The following PRLR variants were observed in gnomAD, a reference collection of about 807,000 sequenced individuals.
PRLR encodes hPRL receptor.
In PRLR, 13 loss-of-function variants were observed where a neutral mutation model predicts 40.2. That is an observed-to-expected ratio of 0.32 (90% confidence interval 0.21 to 0.51). PRLR has a LOEUF of 0.51. Ranked by LOEUF, PRLR falls within the 20% of genes least tolerant of loss-of-function variation. The pLI, the probability that PRLR is intolerant of heterozygous loss-of-function variation, is 0.97. For missense variants in PRLR, 656 were observed against 747.3 expected, an observed-to-expected ratio of 0.88 and a Z score of 1.42; for synonymous variants, 269 against 278.7, an observed-to-expected ratio of 0.97 and a Z score of 0.35.
At chr5:35,110,239 A>T (rs1772571528) in intron 2 of PRLR, among the ~76,000 whole-genome samples, 1 of 152,160 alleles carries the variant, frequency 6.6e-6, no homozygotes, top group Non-Finnish European at 1.5e-5. Context: ...AGGGGGTGAT[A>T]GCATTAGGAG....
chr5:35,059,251 G>C lies in PRLR; in HGVS notation c.*5838C>G, dbSNP rs979188961. On this transcript the variant is annotated 3_prime_UTR_variant, in exon 10 of 10. Coordinates refer to ENST00000618457, the MANE Select transcript of PRLR (RefSeq NM_000949.7). ...TAATTAATAGTCTAAGATGATCTGA[G>C]AGTTAATTAATAGACTAAGATTATC... The C allele has an allele frequency of 1.3e-5, 2 of 152,044 alleles. No individual in the cohort carries two copies. Among genetic ancestry groups the C allele is most frequent in the Admixed American group, 1.3e-4 (2 of 15,256 alleles). 9.4% of individuals were successfully genotyped at this position (152,044 alleles called of 1,614,324 possible).
chr5:35,150,364 G>A (rs536351703), intron 1 of PRLR, among the ~76,000 whole-genome samples: 6 of 152,060 alleles, frequency 3.9e-5, no homozygotes, highest in Non-Finnish European at 7.4e-5. Flanking sequence ...TTTTTGTTGC[G>A]GTCATTGTTG....
intron 7 of PRLR, 111 bp downstream of exon 7, chr5:35,070,012 CT>C: frequency 8.0e-7 from 1 of 1,250,622 alleles, no homozygotes; most frequent in Non-Finnish European, 1.1e-6. Context: ...AAACCCACCT[CT>C]ATTGTTCTGG....
intron 1 of PRLR, among the ~76,000 whole-genome samples, chr5:35,198,638 A>C (rs1397902438): frequency 6.6e-6 from 1 of 152,234 alleles, no homozygotes; most frequent in African/African-American, 2.4e-5. Context: ...GTTAAGTAGG[A>C]GATACCAATC....
Position 35,184,288 on chromosome 5 carries a change from A to T in PRLR, c.-106+45980T>A, listed in dbSNP as rs138520143. On this transcript the variant is annotated intron_variant, in intron 1 of 9. Transcript: ENST00000618457. ...TAGCACTCTGGGAGGCTGAGGTGGG[A>T]GGATTGCCTGAGCTCAGGAGTTTGA... 2.3e-3 allele frequency among the ~76,000 whole-genome samples: 355 copies of T among 152,162 alleles called. 1 individual carries two copies. Among genetic ancestry groups the T allele is most frequent in the African/African-American group, 8.2e-3 (340 of 41,552 alleles).
At chr5:35,075,737 T>G (rs2112418031) in intron 5 of PRLR, among the ~76,000 whole-genome samples, 1 of 152,302 alleles carries the variant, frequency 6.6e-6, no homozygotes, top group South Asian at 2.1e-4. Context: ...ACAGACTGCC[T>G]CCTCAAGTGG....
intron 5 of PRLR, among the ~76,000 whole-genome samples, chr5:35,079,032 A>G (rs1770318185): frequency 6.6e-6 from 1 of 152,200 alleles, no homozygotes; most frequent in Non-Finnish European, 1.5e-5. Context: ...AACTCTCAAT[A>G]AACTAGGTAT....
At chr5:35,226,002 G>A (rs1776538771) in intron 1 of PRLR, among the ~76,000 whole-genome samples, 1 of 152,120 alleles carries the variant, frequency 6.6e-6, no homozygotes, top group Admixed American at 6.5e-5. Context: ...ACTTTTTGGG[G>A]GGAATACTAG....
intron 2 of PRLR, among the ~76,000 whole-genome samples, chr5:35,092,489 T>C (rs1458398671): frequency 6.6e-6 from 1 of 152,218 alleles, no homozygotes; most frequent in Non-Finnish European, 1.5e-5. Context: ...GGCACATCTC[T>C]TGTTTATCCA....
At chr5:35,067,952 T>A (rs924644575) in intron 9 of PRLR, among the ~76,000 whole-genome samples, 2 of 152,248 alleles carry the variant, frequency 1.3e-5, no homozygotes, top group African/African-American at 2.4e-5. Flanking sequence ...ATCTCTATGC[T>A]TATGAGTAGA....
intron 1 of PRLR, chr5:35,195,549 A>T (rs893301308): frequency 6.6e-6 from 1 of 152,192 alleles, no homozygotes; most frequent in Non-Finnish European, 1.5e-5. Flanking sequence ...TGAGTATCTC[A>T]CCTGTCGCCT....
chr5:35,072,828 T>C, intron 5 of PRLR, 84 bp from the exon 6 acceptor site: 1 of 1,491,682 alleles, frequency 6.7e-7, no homozygotes, highest in East Asian at 2.3e-5. Flanking sequence ...GAATTCCTTT[T>C]TCTGTTTATC....
chr5:35,063,085 A>C lies in PRLR; in HGVS notation c.*2004T>G, dbSNP rs1479485743. On this transcript the variant is annotated 3_prime_UTR_variant, in exon 10 of 10. Transcript: ENST00000618457. The stretch of plus-strand genomic sequence containing the variant: ...GATTCTGCAAATGGAATTTTCAAAC[A>C]CTGCCCAGGTGATGCCTATGCAGTT... 6.6e-6 allele frequency: 1 copy of C among 152,240 alleles called. No homozygotes were observed. The highest frequency in any genetic ancestry group is 2.4e-5 in the African/African-American group (1 of 41,462). The allele number at this position is 152,240 out of a possible 1,614,324, so 9.4% of individuals were successfully genotyped here.
intron 2 of PRLR, among the ~76,000 whole-genome samples, chr5:35,103,204 C>T (rs1398980476): frequency 6.6e-6 from 1 of 152,156 alleles, no homozygotes; most frequent in Non-Finnish European, 1.5e-5. Flanking sequence ...AATAGTGATG[C>T]ATTTCTGTGT....
At chr5:35,141,356 C>A (rs1217227985) in intron 1 of PRLR, among the ~76,000 whole-genome samples, 1 of 152,030 alleles carries the variant, frequency 6.6e-6, no homozygotes, top group Non-Finnish European at 1.5e-5. Context: ...TTGGGAAATG[C>A]CGCATGAATC....
At chr5:35,229,436 A>T (rs1372049912) in intron 1 of PRLR, among the ~76,000 whole-genome samples, 2 of 152,232 alleles carry the variant, frequency 1.3e-5, no homozygotes, top group East Asian at 3.9e-4. Flanking sequence ...ATACAGGTAG[A>T]GGTCACTAAA....
chr5:35,190,497 C>T (rs892457385), intron 1 of PRLR, among the ~76,000 whole-genome samples: 10 of 151,868 alleles, frequency 6.6e-5, no homozygotes, highest in African/African-American at 2.2e-4. Context: ...CCTAGCTACT[C>T]GGAAGTCTGA....
chr5:35,074,673 G>A (rs548259244), intron 5 of PRLR, among the ~76,000 whole-genome samples: 4 of 151,904 alleles, frequency 2.6e-5, no homozygotes, highest in Admixed American at 2.6e-4. Flanking sequence ...TAGTGGTGAT[G>A]GTTGCATAAA....
At chr5:35,130,722 C>T (rs1773642177) in intron 1 of PRLR, among the ~76,000 whole-genome samples, 1 of 152,178 alleles carries the variant, frequency 6.6e-6, no homozygotes, top group South Asian at 2.1e-4. Flanking sequence ...CTGAAGTCCT[C>T]CAGTACCTTA....
Sources: allele counts gnomAD v4.1 joint callset (sites outside exome capture counted in the v4.1 genomes callset), GRCh38; gene constraint gnomAD v4.1.1; transcripts MANE v1.5; gene names NCBI Gene and HGNC (gene_info 2026-07-23, HGNC 2026-07-21).